Variants in CDH12 observed in about 807,000 individuals in gnomAD.
CDH12 encodes cadherin-12.
Under a neutral mutation model 74.1 loss-of-function variants are expected in CDH12, and 41 were observed. The ratio of observed to expected loss-of-function variants is 0.55; its 90% CI spans 0.43 to 0.72. The LOEUF (loss-of-function observed/expected upper bound fraction) is 0.72, where lower values mean the gene tolerates loss of function less well. CDH12 is among the 30% of genes least tolerant of loss of function. The probability of loss-of-function intolerance (pLI) is 0.00; values close to 1 mark genes in which losing one functional copy is unlikely to be tolerated. For missense variants in CDH12, 945 were observed against 977.2 expected (o/e 0.97, Z 0.44); for synonymous variants, 399 against 355.0 (o/e 1.12, Z -1.39).
At chr5:22,850,085 C>T (rs919272554) in intron 1 of CDH12, among the ~76,000 whole-genome samples, 24 of 151,992 alleles carry the variant, frequency 1.6e-4, no homozygotes, top group South Asian at 4.2e-4. Flanking sequence ...TCTCACAAAA[C>T]GTAGAATAAC....
At chr5:22,504,028 C>T (rs902228178) in intron 2 of CDH12, among the ~76,000 whole-genome samples, 5 of 151,832 alleles carry the variant, frequency 3.3e-5, no homozygotes, top group Non-Finnish European at 7.4e-5. Context: ...AACCCCAAAC[C>T]AAAATTATCC....
At chr5:22,759,174 CATCTAGACTGCT>C (rs1277707512) in intron 1 of CDH12, among the ~76,000 whole-genome samples, 1 of 151,538 alleles carries the variant, frequency 6.6e-6, no homozygotes, top group Admixed American at 6.6e-5. Flanking sequence ...TATATTTCAC[CATCTAGACTGCT>C]ACGCAGTCTC....
chr5:21,755,502 T>C (rs1744330767), intron 14 of CDH12, 89 bp downstream of exon 14: 2 of 1,162,898 alleles, frequency 1.7e-6, no homozygotes, highest in Admixed American at 2.2e-5. Flanking sequence ...GTTTACATGA[T>C]AAATTGAGGA....
intron 3 of CDH12, among the ~76,000 whole-genome samples, chr5:22,348,325 C>T (rs556460713): frequency 1.8e-4 from 28 of 152,168 alleles, no homozygotes; most frequent in Admixed American, 3.3e-4. Flanking sequence ...AGGTTATTGT[C>T]AGTTTCCTGA....
intron 1 of CDH12, among the ~76,000 whole-genome samples, chr5:22,756,490 GA>G (rs747829894): frequency 4.0e-5 from 6 of 151,794 alleles, no homozygotes; most frequent in Non-Finnish European, 4.4e-5. Context: ...CATTTGTGAA[GA>G]ATATTAAAAA....
chr5:22,120,667 T>G (rs866752798), intron 4 of CDH12, among the ~76,000 whole-genome samples: 2 of 152,130 alleles, frequency 1.3e-5, no homozygotes, highest in Non-Finnish European at 1.5e-5. Flanking sequence ...TAGAAATAAT[T>G]TATAAAAACT....
chr5:22,750,706 G>T (rs1376086970), intron 1 of CDH12, among the ~76,000 whole-genome samples: 1 of 152,084 alleles, frequency 6.6e-6, no homozygotes, highest in Non-Finnish European at 1.5e-5. Flanking sequence ...GTTAAATGGA[G>T]AATTCAGTTT....
intron 6 of CDH12, among the ~76,000 whole-genome samples, chr5:21,870,059 C>A (rs1179357773): frequency 6.6e-6 from 1 of 152,094 alleles, no homozygotes; most frequent in East Asian, 1.9e-4. Flanking sequence ...TCAGGGGTTT[C>A]TGCTTTTGCG....
At chr5:22,514,721 C>G (rs1324596171) in intron 1 of CDH12, among the ~76,000 whole-genome samples, 1 of 152,138 alleles carries the variant, frequency 6.6e-6, no homozygotes. Context: ...GTGTGCAGTG[C>G]CTTCCAGATG....
intron 6 of CDH12, among the ~76,000 whole-genome samples, chr5:21,898,177 G>A (rs940200093): frequency 6.6e-6 from 1 of 151,796 alleles, no homozygotes; most frequent in Non-Finnish European, 1.5e-5. Context: ...TATATGTAGG[G>A]CCTTTTAGTA....
chr5:22,357,784 T>C (rs1413243268), intron 3 of CDH12, among the ~76,000 whole-genome samples: 2 of 152,216 alleles, frequency 1.3e-5, no homozygotes, highest in East Asian at 3.9e-4. Context: ...AAGGTGCACA[T>C]TACTTGCATT....
intron 3 of CDH12, among the ~76,000 whole-genome samples, chr5:22,269,639 A>G (rs1736292440): frequency 6.6e-6 from 1 of 152,166 alleles, no homozygotes; most frequent in Admixed American, 6.6e-5. Flanking sequence ...AGATTGGAGC[A>G]AGGCAGCCAG....
chr5:22,461,120 C>T (rs1036308399), intron 2 of CDH12, among the ~76,000 whole-genome samples: 3 of 148,346 alleles, frequency 2.0e-5, no homozygotes, highest in Non-Finnish European at 4.5e-5. Context: ...TGCAACCTCC[C>T]GGGTTCAAGC....
intron 4 of CDH12, among the ~76,000 whole-genome samples, chr5:22,163,404 CTA>C (rs747183548): frequency 1.6e-4 from 25 of 152,242 alleles, no homozygotes; most frequent in Non-Finnish European, 3.1e-4. Flanking sequence ...ACTTGGATGT[CTA>C]AAATGCATCT....
intron 4 of CDH12, among the ~76,000 whole-genome samples, chr5:22,149,733 A>G (rs564972857): frequency 2.0e-5 from 3 of 152,142 alleles, no homozygotes; most frequent in African/African-American, 7.2e-5. Context: ...TGGCCTCCCA[A>G]AGTGTTGGGA....
At chr5:22,116,791 A>G (rs1745139872) in intron 4 of CDH12, among the ~76,000 whole-genome samples, 1 of 151,430 alleles carries the variant, frequency 6.6e-6, no homozygotes. Flanking sequence ...ATCACCTGTT[A>G]CAACAACAAT....
At chr5:22,721,144 A>T (rs1254290329) in intron 1 of CDH12, among the ~76,000 whole-genome samples, 1 of 152,210 alleles carries the variant, frequency 6.6e-6, no homozygotes. Flanking sequence ...TAGTGGTTTC[A>T]TGAGCCCGGC....
At chr5:22,555,233 A>C (rs1738748432) in intron 1 of CDH12, among the ~76,000 whole-genome samples, 1 of 152,066 alleles carries the variant, frequency 6.6e-6, no homozygotes, top group African/African-American at 2.4e-5. Context: ...TATAAACAAA[A>C]AATTGTATTT....
At position 22,293,705 on chromosome 5, in the gene CDH12, C is replaced by T. The variant is rs1014501032; in HGVS notation, c.-332-81062G>A. On this transcript the variant is annotated intron_variant, in intron 3 of 14. Transcript: ENST00000382254. ...TGTCATTTGTGATGACATGGATGAA[C>T]CTGGAGGCCATTATTTTAAGTGCAA... Among the ~76,000 whole-genome samples, 5 of 152,106 alleles carry T rather than the reference C, an allele frequency of 3.3e-5. No homozygotes were observed. The South Asian group carries it at 6.2e-4, about 19-fold the overall frequency.
Sources: gnomAD v4.1 joint callset for allele counts (sites outside exome capture counted in the v4.1 genomes callset) on GRCh38, gnomAD v4.1.1 for gene constraint, MANE v1.5 for transcripts, NCBI Gene and HGNC (gene_info 2026-07-23, HGNC 2026-07-21) for gene names.